Variants in ZNF804A observed in about 807,000 individuals in gnomAD.
The protein encoded by ZNF804A is zinc finger protein 804A.
Under a neutral mutation model 16.5 loss-of-function variants are expected in ZNF804A, and 2 were observed. That is an observed-to-expected ratio of 0.12 (90% confidence interval 0.05 to 0.38). The LOEUF (loss-of-function observed/expected upper bound fraction) is 0.38. Ranked by LOEUF, ZNF804A falls within the 10% of genes least tolerant of loss-of-function variation. The pLI is 0.99. For missense variants in ZNF804A, 1,473 were observed against 1,390.7 expected, an observed-to-expected ratio of 1.06 and a Z score of -0.94; for synonymous variants, 534 against 489.6, an observed-to-expected ratio of 1.09 and a Z score of -1.20.
At chr2:184,851,834 C>T (rs1695608613) in intron 1 of ZNF804A, among the ~76,000 whole-genome samples, 1 of 151,760 alleles carries the variant, frequency 6.6e-6, no homozygotes, top group African/African-American at 2.4e-5. Flanking sequence ...TCTCTACATA[C>T]TTGTCAACAC....
intron 1 of ZNF804A, among the ~76,000 whole-genome samples, chr2:184,693,609 C>T (rs543234032): frequency 6.6e-6 from 1 of 152,120 alleles, no homozygotes; most frequent in South Asian, 2.1e-4. Context: ...ATTTTGACTT[C>T]CAGTCAATTT....
At chr2:184,617,342 A>G (rs768823447) in intron 1 of ZNF804A, among the ~76,000 whole-genome samples, 3 of 152,084 alleles carry the variant, frequency 2.0e-5, no homozygotes, top group Non-Finnish European at 2.9e-5. Flanking sequence ...ATAGTATTCA[A>G]TAATTTACAA....
At chr2:184,730,775 A>ACT (rs2105747270) in intron 1 of ZNF804A, among the ~76,000 whole-genome samples, 1 of 151,500 alleles carries the variant, frequency 6.6e-6, no homozygotes, top group South Asian at 2.1e-4. Flanking sequence ...CTATTCACTT[A>ACT]CTAAAGAACA....
intron 2 of ZNF804A, among the ~76,000 whole-genome samples, chr2:184,886,333 G>A (rs1183727628): frequency 2.6e-5 from 4 of 152,154 alleles, no homozygotes; most frequent in Non-Finnish European, 5.9e-5. Flanking sequence ...TGGCTTTGTT[G>A]GGTACAGCCT....
chr2:184,707,522 T>C (rs1459604285), intron 1 of ZNF804A, among the ~76,000 whole-genome samples: 1 of 152,120 alleles, frequency 6.6e-6, no homozygotes, highest in Non-Finnish European at 1.5e-5. Flanking sequence ...CTCCCACTTA[T>C]AAGTGAGAAC....
At chr2:184,847,582 G>T (rs1328372462) in intron 1 of ZNF804A, among the ~76,000 whole-genome samples, 1 of 152,032 alleles carries the variant, frequency 6.6e-6, no homozygotes, top group East Asian at 1.9e-4. Flanking sequence ...CTGCCAGGAT[G>T]TATTTCTACA....
intron 2 of ZNF804A, among the ~76,000 whole-genome samples, chr2:184,921,247 C>A (rs2059923): frequency 0.6 from 91,623 of 151,968 alleles, 27,979 homozygotes; most frequent in East Asian, 0.84. Flanking sequence ...AAAACATTAA[C>A]ACTGGTAAAT....
chr2:184,611,529 A>G (rs147107588), intron 1 of ZNF804A, among the ~76,000 whole-genome samples: 1 of 152,254 alleles, frequency 6.6e-6, no homozygotes, highest in East Asian at 1.9e-4. Flanking sequence ...TCACGAAACA[A>G]TGGGAAGCTT....
intron 1 of ZNF804A, among the ~76,000 whole-genome samples, chr2:184,826,778 T>A (rs1046068573): frequency 6.6e-6 from 1 of 152,144 alleles, no homozygotes; most frequent in Non-Finnish European, 1.5e-5. Context: ...ACTGTTATTG[T>A]TCATTCTTCT....
chr2:184,888,092 A>G (rs1461197906), intron 2 of ZNF804A, among the ~76,000 whole-genome samples: 2 of 152,320 alleles, frequency 1.3e-5, no homozygotes, highest in Admixed American at 6.5e-5. Context: ...TACCTATATT[A>G]CAGAACTGTA....
At chr2:184,882,275 G>A (rs1280719033) in intron 2 of ZNF804A, among the ~76,000 whole-genome samples, 2 of 151,956 alleles carry the variant, frequency 1.3e-5, no homozygotes, top group Non-Finnish European at 2.9e-5. Context: ...ATGTCCACAT[G>A]CAACACGGGA....
At chr2:184,830,215 G>C (rs1695241544) in intron 1 of ZNF804A, among the ~76,000 whole-genome samples, 1 of 151,958 alleles carries the variant, frequency 6.6e-6, no homozygotes, top group African/African-American at 2.4e-5. Context: ...TGTAATTATA[G>C]TGTTGAACAA....
chr2:184,864,654 A>G lies in ZNF804A; in HGVS notation c.112-1715A>G, dbSNP rs149268761. On this transcript the variant is annotated intron_variant, in intron 1 of 3. Transcript: ENST00000302277. ...GAATATACAGTGCAATAACATAAGC[A>G]AAGTATTAGTCATGTATTAAATTAC... is the stretch of plus-strand genomic sequence containing the variant. Among the ~76,000 whole-genome samples the G allele has an allele frequency of 6.3e-3, 967 of 152,300 alleles. 15 individuals carry two copies. Among genetic ancestry groups the G allele is most frequent in the African/African-American group, 0.022 (898 of 41,570 alleles).
intron 1 of ZNF804A, among the ~76,000 whole-genome samples, chr2:184,702,688 A>T (rs143453708): frequency 6.6e-6 from 1 of 152,140 alleles, no homozygotes; most frequent in Non-Finnish European, 1.5e-5. Flanking sequence ...AGTCACGTAC[A>T]TATGTCGTAA....
At chr2:184,834,965 T>C (rs1041629649) in intron 1 of ZNF804A, among the ~76,000 whole-genome samples, 4 of 152,188 alleles carry the variant, frequency 2.6e-5, no homozygotes, top group African/African-American at 9.6e-5. Context: ...ATGTAAGTCA[T>C]GTTGAACTGT....
At chr2:184,801,983 G>T (rs1340817586) in intron 1 of ZNF804A, among the ~76,000 whole-genome samples, 1 of 152,024 alleles carries the variant, frequency 6.6e-6, no homozygotes, top group Non-Finnish European at 1.5e-5. Flanking sequence ...AGGTGTCAGA[G>T]GCTTCAAATG....
At chr2:184,860,347 T>G (rs1382201363) in intron 1 of ZNF804A, among the ~76,000 whole-genome samples, 5 of 152,202 alleles carry the variant, frequency 3.3e-5, no homozygotes, top group Non-Finnish European at 7.3e-5. Flanking sequence ...GGTTACCTGT[T>G]TGATGTTTGA....
intron 1 of ZNF804A, among the ~76,000 whole-genome samples, chr2:184,623,260 G>C (rs1268276184): frequency 1.3e-5 from 2 of 151,784 alleles, no homozygotes; most frequent in South Asian, 2.1e-4. Flanking sequence ...TGGGATATTA[G>C]AAATAAATTT....
intron 1 of ZNF804A, among the ~76,000 whole-genome samples, chr2:184,727,659 T>G (rs946079126): frequency 2.0e-5 from 3 of 151,704 alleles, no homozygotes; most frequent in African/African-American, 7.2e-5. Context: ...AGAAATAATT[T>G]TATATACCAG....
Sources: gnomAD v4.1 joint callset for allele counts (sites outside exome capture counted in the v4.1 genomes callset) on GRCh38, gnomAD v4.1.1 for gene constraint, MANE v1.5 for transcripts, NCBI Gene and HGNC (gene_info 2026-07-23, HGNC 2026-07-21) for gene names.